SOCS7: variants seen among roughly 807,000 people sequenced by gnomAD.
SOCS7 encodes NAP-4.
SOCS7 carries 18 observed loss-of-function variants against 58.9 expected under a neutral mutation model. That is an observed-to-expected ratio of 0.31 (90% CI 0.21 to 0.45). The LOEUF (loss-of-function observed/expected upper bound fraction) is 0.45. Ranked by LOEUF, SOCS7 falls within the 20% of genes least tolerant of loss-of-function variation. The pLI, the probability that SOCS7 is intolerant of heterozygous loss-of-function variation, is 1.00. For missense variants in SOCS7, 667 were observed against 837.3 expected (o/e 0.80, Z 2.51); for synonymous variants, 388 against 364.3 (o/e 1.06, Z -0.74).
Position 38,395,313 on chromosome 17 carries a change from G to A in SOCS7, c.1686G>A (p.Leu562=). Residue 562 remains leucine (L), a synonymous_variant, in exon 8 of 10, where the codon CTG becomes CTA. Coordinates refer to ENST00000612932, the MANE Select transcript of SOCS7 (RefSeq NM_014598.4). ...CCTTTGTTTTCTTTCTTGAAGGACT[G>A]CCACCAACTCCTGTCCAGCTGCTCT... ...LYFLRSRVPG[L]PPTPVQLLYP... is the part of the protein sequence containing the mutation. The A allele has an allele frequency of 1.2e-6, 2 of 1,613,556 alleles. No individual in the cohort carries two copies. The highest frequency in any genetic ancestry group is 1.7e-6 in the Non-Finnish European group (2 of 1,179,608).
At chr17:38,356,911 T>A (rs192773018) in intron 1 of SOCS7, among the ~76,000 whole-genome samples, 1 of 152,190 alleles carries the variant, frequency 6.6e-6, no homozygotes, top group Non-Finnish European at 1.5e-5. Flanking sequence ...TGGTGAGAGA[T>A]CTAATTTGAT....
chr17:38,366,059 T>G, intron 4 of SOCS7: 1 of 1,292,350 alleles, frequency 7.7e-7, no homozygotes, highest in African/African-American at 1.5e-5. Context: ...CCCTCCCCCT[T>G]TCTTGGGGTC....
Position 38,364,787 on chromosome 17 carries a change from C to G in SOCS7, c.1081C>G (p.Gln361Glu). The change falls in exon 3 of 10, where the codon CAG (glutamine) becomes GAG (glutamate). Residue 361 changes from glutamine to glutamate, a missense_variant. Physicochemically the swap from Gln to Glu is conservative, Grantham distance 29. This residue lies in a region of SOCS7 where 99 missense variants were observed against 122.9 expected (regional missense o/e 0.81). Transcript: ENST00000612932. ...GTCGCTTGTGGATGTGGACATTTCT[C>G]AGCGGGGCCTGACCTCTCCACACCC... ...TVSLVDVDIS[Q>E]RGLTSPHPPT... 1 of 1,614,112 alleles carries G rather than the reference C, an allele frequency of 6.2e-7. No homozygotes were observed. Among genetic ancestry groups the G allele is most frequent in the Non-Finnish European group, 8.5e-7 (1 of 1,180,006 alleles).
chr17:38,394,596 T>A (rs1331810310), intron 7 of SOCS7, among the ~76,000 whole-genome samples: 1 of 152,206 alleles, frequency 6.6e-6, no homozygotes, highest in Non-Finnish European at 1.5e-5. Context: ...AGGATACTGC[T>A]AGATGTGCCC....
intron 6 of SOCS7, among the ~76,000 whole-genome samples, chr17:38,372,392 A>G (rs983960731): frequency 2.0e-5 from 3 of 152,234 alleles, no homozygotes; most frequent in Non-Finnish European, 4.4e-5. Context: ...GCAGTATTAA[A>G]TCATAACTGC....
chr17:38,352,129 G>T lies in SOCS7; in HGVS notation c.77G>T (p.Gly26Val). The T allele has an allele frequency of 9.8e-7, 1 of 1,019,756 alleles. No homozygotes were observed. Among genetic ancestry groups the T allele is most frequent in the Non-Finnish European group, 1.3e-6 (1 of 797,414 alleles). 63.2% of individuals were successfully genotyped at this position (1,019,756 alleles called of 1,614,324 possible). Residue 26 changes from glycine (G) to valine (V), a missense_variant, in exon 1 of 10, where the codon GGC becomes GTC. This residue lies in a region of SOCS7 where 65 missense variants were observed against 51.0 expected (regional missense o/e 1.27). Coordinates refer to ENST00000612932, the MANE Select transcript of SOCS7 (RefSeq NM_014598.4). The surrounding 1 kb of genome is among the most constrained non-coding windows in gnomAD (Gnocchi z 5.5). ...ASYRVLSRLL[G>V]YGEAAPEPGP... is the part of the protein sequence containing the mutation. ...TACCGCGTCCTGAGCCGCCTCCTTG[G>T]CTATGGAGAGGCGGCCCCCGAGCCA...
intron 4 of SOCS7, chr17:38,365,753 G>A (rs1248121514): frequency 4.5e-6 from 1 of 222,280 alleles, no homozygotes; most frequent in Admixed American, 5.7e-5. Context: ...GTGGTTTTCA[G>A]CATTCTATGG....
At chr17:38,390,645 T>C (rs1467006559) in intron 7 of SOCS7, among the ~76,000 whole-genome samples, 14 of 45,040 alleles carry the variant, frequency 3.1e-4, no homozygotes, top group African/African-American at 7.4e-4. Context: ...TTCGTTTTCC[T>C]TCCTTCCTTC....
In SOCS7 at chr17:38,352,133, T is replaced by C. The variant is rs2037561003; in HGVS notation, c.81T>C (p.Tyr27=). The change falls in exon 1 of 10, where the codon TAT becomes TAC. Residue 27 remains tyrosine (Y), a synonymous_variant. Coordinates refer to ENST00000612932, the MANE Select transcript of SOCS7 (RefSeq NM_014598.4). This position sits in a 1 kb window ranked among gnomAD's most constrained non-coding sequence, Gnocchi z 5.5. ...GCGTCCTGAGCCGCCTCCTTGGCTA[T>C]GGAGAGGCGGCCCCCGAGCCAGGCC... ...SYRVLSRLLG[Y]GEAAPEPGPP... is the part of the protein sequence containing the mutation. 6.7e-6 allele frequency: 7 copies of C among 1,041,578 alleles called. No individual in the cohort carries two copies. The highest frequency in any genetic ancestry group is 7.3e-6 in the Non-Finnish European group (6 of 819,552). 64.5% of individuals were successfully genotyped at this position (1,041,578 alleles called of 1,614,324 possible). A position where few individuals can be genotyped will look rare whatever the true frequency, so the allele number is the denominator to read the frequency against.
intron 7 of SOCS7, among the ~76,000 whole-genome samples, chr17:38,380,630 C>CA (rs1226167969): frequency 0.01 from 1,272 of 122,826 alleles, 7 homozygotes; most frequent in Middle Eastern, 0.035. Context: ...GACTCTGTCT[C>CA]AAAAAAAAAA....
intron 7 of SOCS7, among the ~76,000 whole-genome samples, chr17:38,394,684 C>G (rs2038222272): frequency 6.6e-6 from 1 of 152,296 alleles, no homozygotes; most frequent in Admixed American, 6.5e-5. Flanking sequence ...GGATTGGCCA[C>G]TTGGGTCCAA....
chr17:38,400,000 TGAGG>T lies in SOCS7; in HGVS notation c.*519_*522del, dbSNP rs1193528933. 1 of 152,264 alleles carries T rather than the reference TGAGG, an allele frequency of 6.6e-6. No homozygotes were observed. The highest frequency in any genetic ancestry group is 2.4e-5 in the African/African-American group (1 of 41,424). The allele number at this position is 152,264 out of a possible 1,614,324, so 9.4% of individuals were successfully genotyped here. A position where few individuals can be genotyped will look rare whatever the true frequency, so the allele number is the denominator to read the frequency against. On this transcript the variant is annotated 3_prime_UTR_variant, in exon 10 of 10. Transcript: ENST00000612932. Reference sequence around the variant, plus strand: ...AGGTTTGCAAAGGACTGGGAGTTCCTGAGGAAGGGGGAATCTGCCTCTTGTTGCC... The same window carrying T: ...AGGTTTGCAAAGGACTGGGAGTTCCTAAGGGGGAATCTGCCTCTTGTTGCC...
At chr17:38,387,102 A>AAATATAT (rs1244894607) in intron 7 of SOCS7, among the ~76,000 whole-genome samples, 3 of 51,138 alleles carry the variant, frequency 5.9e-5, no homozygotes, top group Non-Finnish European at 9.1e-5. Flanking sequence ...AAAAAAAAAA[A>AAATATAT]ATATATATAT....
In SOCS7 at chr17:38,404,414, A is replaced by C. The variant is rs368418407; in HGVS notation, c.*4932A>C. 1 of 150,610 alleles carries C rather than the reference A, an allele frequency of 6.6e-6. No individual in the cohort carries two copies. The highest frequency in any genetic ancestry group is 1.5e-5 in the Non-Finnish European group (1 of 67,808). The allele number at this position is 150,610 out of a possible 1,614,324, so 9.3% of individuals were successfully genotyped here. ...CTGCTATCCCGTCCCACTCCCATCT[A>C]CCTCCCGGGAAGCCAGCCCTGCATG... On this transcript the variant is annotated 3_prime_UTR_variant, in exon 10 of 10. Coordinates refer to ENST00000612932, the MANE Select transcript of SOCS7 (RefSeq NM_014598.4).
intron 9 of SOCS7, among the ~76,000 whole-genome samples, chr17:38,397,278 A>G (rs1002186443): frequency 6.6e-6 from 1 of 152,212 alleles, no homozygotes; most frequent in Non-Finnish European, 1.5e-5. Context: ...GTGGGGAGCA[A>G]GTTCAGCATT....
rs1019629599 is a variant in SOCS7, at chr17:38,400,800, A to G, written c.*1318A>G. The G allele has an allele frequency of 2.0e-5, 3 of 151,700 alleles. No homozygotes were observed. In the South Asian group the frequency reaches 6.2e-4, roughly 32 times the overall value. The allele number at this position is 151,700 out of a possible 1,614,324, so 9.4% of individuals were successfully genotyped here. ...GCTTTCAGGAGGAGCGGGGAGAAAAACTCCAATGGTCTTTAATGGTTTCTG... is the reference window on the plus strand; with the variant it reads ...GCTTTCAGGAGGAGCGGGGAGAAAAGCTCCAATGGTCTTTAATGGTTTCTG... On this transcript the variant is annotated 3_prime_UTR_variant, in exon 10 of 10. Coordinates refer to ENST00000612932, the MANE Select transcript of SOCS7 (RefSeq NM_014598.4).
intron 1 of SOCS7, among the ~76,000 whole-genome samples, chr17:38,359,592 T>A (rs1007800247): frequency 1.3e-5 from 2 of 152,110 alleles, no homozygotes; most frequent in Non-Finnish European, 2.9e-5. Context: ...CTTTTGCCCC[T>A]CTCTATTGGT....
At chr17:38,375,564 CTG>C (rs1430029205) in intron 6 of SOCS7, among the ~76,000 whole-genome samples, 5 of 152,026 alleles carry the variant, frequency 3.3e-5, no homozygotes, top group African/African-American at 4.8e-5. Flanking sequence ...TGTTAACCGA[CTG>C]TTTATATTAT....
At chr17:38,381,394 T>C (rs2037998281) in intron 7 of SOCS7, among the ~76,000 whole-genome samples, 1 of 152,112 alleles carries the variant, frequency 6.6e-6, no homozygotes, top group Non-Finnish European at 1.5e-5. Flanking sequence ...TAGGTTGAGC[T>C]CTGTCAGTCT....
Sources: allele counts gnomAD v4.1 joint callset (sites outside exome capture counted in the v4.1 genomes callset), GRCh38; gene constraint gnomAD v4.1.1; regional missense constraint gnomAD v4.1.1; non-coding constraint Gnocchi (gnomAD v3.1); transcripts MANE v1.5; gene names NCBI Gene and HGNC (gene_info 2026-07-23, HGNC 2026-07-21).